RPA1: variants seen among roughly 807,000 people sequenced by gnomAD.
RPA1 encodes replication protein A1.
RPA1 carries 49 observed loss-of-function variants against 83.0 expected under a neutral mutation model. The observed-to-expected ratio is 0.59, with a 90% CI of 0.47 to 0.75. The LOEUF (loss-of-function observed/expected upper bound fraction) is 0.75, where lower values mean the gene tolerates loss of function less well. Ranked by LOEUF, RPA1 falls within the 30% of genes least tolerant of loss-of-function variation. The probability of loss-of-function intolerance (pLI) is 0.00; values close to 1 mark genes in which losing one functional copy is unlikely to be tolerated. For synonymous variants in RPA1, 279 were observed against 281.8 expected (o/e 0.99, Z 0.10); for missense variants, 693 against 776.1 (o/e 0.89, Z 1.27).
chr17:1,889,981 CAA>C (rs2151291399), intron 14 of RPA1, among the ~76,000 whole-genome samples: 1 of 152,052 alleles, frequency 6.6e-6, no homozygotes, highest in Non-Finnish European at 1.5e-5. Flanking sequence ...GCCCGGGCGA[CAA>C]GAGCAAAACT....
At position 1,897,110 on chromosome 17, in the gene RPA1, C is replaced by G. The variant is rs1914466479; in HGVS notation, c.1786C>G (p.Pro596Ala). 1.3e-6 allele frequency: 2 copies of G among 1,573,548 alleles called. No individual in the cohort carries two copies. The highest frequency in any genetic ancestry group is 1.7e-6 in the Non-Finnish European group (2 of 1,159,156). The part of the protein sequence containing the change: ...RIKATVMDVK[P>A]VDYREYGRRL... ...TAAGGCCACTGTGATGGACGTGAAGCCCGTGGACTACAGAGAGTATGGCCG... is the reference window on the plus strand; with the variant it reads ...TAAGGCCACTGTGATGGACGTGAAGGCCGTGGACTACAGAGAGTATGGCCG... The change falls in exon 17 of 17, where the codon CCC becomes GCC. Residue 596 changes from proline to alanine, a missense_variant. Physicochemically the swap from Pro to Ala is conservative, Grantham distance 27 (BLOSUM62 -1). Transcript: ENST00000254719.
rs540701387 is a variant in RPA1, at chr17:1,880,623, C to T, written c.1173C>T (p.Leu391=). Residue 391 remains leucine (L), a synonymous_variant, in exon 12 of 17, where the codon CTC becomes CTT. Coordinates refer to ENST00000254719, the MANE Select transcript of RPA1 (RefSeq NM_002945.5). ...ARVSDFGGRS[L]SVLSSSTIIA... ...TCTCTGATTTCGGTGGACGGAGCCT[C>T]TCCGTGCTGTCTTCAAGCACTATCA... 24 of 1,614,098 alleles carry T rather than the reference C, an allele frequency of 1.5e-5. No individual in the cohort carries two copies. In the South Asian group the frequency reaches 2.4e-4, roughly 16 times the overall value.
In RPA1 at chr17:1,830,139, CG is replaced by C. The variant is rs1455188430; in HGVS notation, c.33+18del. ...GGGGGCCATTGCGGTGAGGAGGTGC[CG>C]GGGGCTGGGCCGGCGGTCCGGGGTG... On this transcript the variant is annotated intron_variant, in intron 1 of 16. Coordinates refer to ENST00000254719, the MANE Select transcript of RPA1 (RefSeq NM_002945.5). 3 of 1,237,294 alleles carry C rather than the reference CG, an allele frequency of 2.4e-6. No homozygotes were observed. The highest frequency in any genetic ancestry group is 1.0e-6 in the Non-Finnish European group (1 of 984,488). The allele number at this position is 1,237,294 out of a possible 1,614,324, so 76.6% of individuals were successfully genotyped here.
At chr17:1,860,589 A>G (rs1912915246) in intron 5 of RPA1, among the ~76,000 whole-genome samples, 1 of 152,088 alleles carries the variant, frequency 6.6e-6, no homozygotes, top group Non-Finnish European at 1.5e-5. Flanking sequence ...TTGGGTCTTT[A>G]AAAACTCATC....
At chr17:1,849,992 T>C (rs1178245884) in intron 4 of RPA1, among the ~76,000 whole-genome samples, 1 of 151,164 alleles carries the variant, frequency 6.6e-6, no homozygotes, top group Non-Finnish European at 1.5e-5. Flanking sequence ...GCCAACATGG[T>C]GAAACCCTGT....
At chr17:1,867,244 T>A (rs1367304770) in intron 5 of RPA1, among the ~76,000 whole-genome samples, 1 of 152,158 alleles carries the variant, frequency 6.6e-6, no homozygotes, top group African/African-American at 2.4e-5. Context: ...GACAAAGCAA[T>A]GCTTAGCATT....
chr17:1,862,042 C>G (rs1457189311), intron 5 of RPA1, among the ~76,000 whole-genome samples: 6 of 151,802 alleles, frequency 4.0e-5, no homozygotes, highest in African/African-American at 1.2e-4. Flanking sequence ...AGGCACCCAC[C>G]ACCATGCCCG....
intron 4 of RPA1, among the ~76,000 whole-genome samples, chr17:1,851,467 G>T (rs1912495424): frequency 6.6e-6 from 1 of 152,094 alleles, no homozygotes; most frequent in South Asian, 2.1e-4. Context: ...CCCCAGTCTG[G>T]ATTTGGCTGA....
intron 14 of RPA1, 119 bp from the exon 15 acceptor site, chr17:1,891,714 C>A: frequency 1.5e-6 from 1 of 673,630 alleles, no homozygotes; most frequent in Non-Finnish European, 2.4e-6. Flanking sequence ...GCCCACTGCA[C>A]CTGGCCCTCT....
intron 5 of RPA1, among the ~76,000 whole-genome samples, chr17:1,862,412 A>ATATTTATT (rs59213671): frequency 0.35 from 52,427 of 149,014 alleles, 11,394 homozygotes; most frequent in Non-Finnish European, 0.51. Context: ...GATTAGCTCA[A>ATATTTATT]TATTTATTTA....
intron 5 of RPA1, chr17:1,858,442 GC>G: frequency 7.1e-7 from 1 of 1,402,224 alleles, no homozygotes; most frequent in Non-Finnish European, 1.0e-6. Context: ...CAACAGCGCA[GC>G]CATCTTGGGT....
chr17:1,872,078 C>T (rs747636696), intron 5 of RPA1: 3 of 260,160 alleles, frequency 1.2e-5, no homozygotes, highest in Middle Eastern at 1.5e-3. Flanking sequence ...TTGATGACAT[C>T]GATTTGTTGC....
At chr17:1,831,774 AT>A (rs1315155031) in intron 1 of RPA1, among the ~76,000 whole-genome samples, 80 of 147,200 alleles carry the variant, frequency 5.4e-4, no homozygotes, top group South Asian at 1.9e-3. Flanking sequence ...AATTTTTTGT[AT>A]TTTTTAGTAG....
At chr17:1,847,880 C>G (rs1265461804) in intron 4 of RPA1, among the ~76,000 whole-genome samples, 1 of 151,872 alleles carries the variant, frequency 6.6e-6, no homozygotes, top group Admixed American at 6.6e-5. Flanking sequence ...ATTAGCTGGG[C>G]GTGGTGGCGG....
intron 12 of RPA1, among the ~76,000 whole-genome samples, chr17:1,883,352 G>A (rs1465276370): frequency 6.6e-6 from 1 of 152,008 alleles, no homozygotes; most frequent in Non-Finnish European, 1.5e-5. Context: ...TAGTAGAGAC[G>A]GGGTTTCACC....
chr17:1,876,301 T>TC (rs896195310), intron 7 of RPA1, among the ~76,000 whole-genome samples: 2 of 152,210 alleles, frequency 1.3e-5, no homozygotes, highest in East Asian at 1.9e-4. Flanking sequence ...ATGCCCGTAA[T>TC]CCCCGCACTT....
intron 4 of RPA1, among the ~76,000 whole-genome samples, chr17:1,852,441 A>G (rs1912530219): frequency 6.6e-6 from 1 of 152,194 alleles, no homozygotes; most frequent in Non-Finnish European, 1.5e-5. Flanking sequence ...AATGAGAAGG[A>G]ACACAACACC....
At chr17:1,862,295 A>G (rs2151279577) in intron 5 of RPA1, among the ~76,000 whole-genome samples, 2 of 148,052 alleles carry the variant, frequency 1.4e-5, no homozygotes, top group South Asian at 4.3e-4. Flanking sequence ...TGAGCCTCCC[A>G]AAGTGCCAGG....
At chr17:1,859,538 AT>A (rs1223853973) in intron 5 of RPA1, among the ~76,000 whole-genome samples, 5 of 152,148 alleles carry the variant, frequency 3.3e-5, no homozygotes, top group Non-Finnish European at 7.3e-5. Context: ...GTTGACTCTT[AT>A]TATTATGAAA....
Sources: gnomAD v4.1 joint callset for allele counts (sites outside exome capture counted in the v4.1 genomes callset) on GRCh38, gnomAD v4.1.1 for gene constraint, MANE v1.5 for transcripts, NCBI Gene and HGNC (gene_info 2026-07-23, HGNC 2026-07-21) for gene names.